The following EMP2 variants were observed in gnomAD, a reference collection of about 807,000 sequenced individuals.
EMP2 encodes the protein epithelial membrane protein 2.
EMP2 carries 19 observed loss-of-function variants against 13.7 expected under a neutral mutation model. That is an observed-to-expected ratio of 1.38 (90% CI 0.97 to 2.03). The LOEUF (loss-of-function observed/expected upper bound fraction) is 2.03, where lower values mean the gene tolerates loss of function less well. Ranked by LOEUF, EMP2 falls within the 30% of genes most tolerant of loss-of-function variation. EMP2 has a pLI of 0.00. For missense variants in EMP2, 253 were observed against 220.7 expected, an observed-to-expected ratio of 1.15 and a Z score of -0.93; for synonymous variants, 97 against 84.7, an observed-to-expected ratio of 1.15 and a Z score of -0.80.
intron 1 of EMP2, among the ~76,000 whole-genome samples, chr16:10,556,523 C>G (rs888236710): frequency 1.3e-5 from 2 of 152,184 alleles, no homozygotes; most frequent in Non-Finnish European, 2.9e-5. Context: ...AGCAAATTCA[C>G]TTCTAACTGT....
intron 4 of EMP2, among the ~76,000 whole-genome samples, chr16:10,537,570 C>T (rs1007694223): frequency 6.6e-6 from 1 of 152,146 alleles, no homozygotes; most frequent in Admixed American, 6.5e-5. Flanking sequence ...ACAGGGCTTC[C>T]GTCATGCTGT....
chr16:10,547,244 T>C (rs2050746783), intron 2 of EMP2: 1 of 283,598 alleles, frequency 3.5e-6, no homozygotes, highest in Non-Finnish European at 6.6e-6. Context: ...GTTTATCCCA[T>C]ACTGTTCTTG....
chr16:10,575,795 G>A (rs2050980410), intron 1 of EMP2, among the ~76,000 whole-genome samples: 1 of 151,998 alleles, frequency 6.6e-6, no homozygotes, highest in Non-Finnish European at 1.5e-5. Context: ...AGCTGGCAAA[G>A]GTCATCAGAG....
intron 2 of EMP2, chr16:10,544,805 A>G (rs1031329654): frequency 3.7e-4 from 57 of 152,266 alleles, no homozygotes; most frequent in African/African-American, 1.4e-3. Context: ...GGATCGCTTG[A>G]GCCTGGGCAG....
At chr16:10,564,296 G>C (rs982894090) in intron 1 of EMP2, among the ~76,000 whole-genome samples, 1 of 152,054 alleles carries the variant, frequency 6.6e-6, no homozygotes, top group African/African-American at 2.4e-5. Context: ...TTCAAGACCA[G>C]CCTGGCCAAC....
At chr16:10,568,087 T>C (rs998087088) in intron 1 of EMP2, among the ~76,000 whole-genome samples, 1 of 152,152 alleles carries the variant, frequency 6.6e-6, no homozygotes, top group Non-Finnish European at 1.5e-5. Context: ...TTAGCCATGA[T>C]CAATTTACAG....
chr16:10,540,959 A>G (rs1025414145), intron 3 of EMP2, among the ~76,000 whole-genome samples: 1 of 152,136 alleles, frequency 6.6e-6, no homozygotes, highest in South Asian at 2.1e-4. Flanking sequence ...GTGGTGGCAC[A>G]CACCCATAAT....
intron 1 of EMP2, among the ~76,000 whole-genome samples, chr16:10,556,631 C>T (rs879322934): frequency 5.9e-5 from 9 of 152,218 alleles, no homozygotes; most frequent in South Asian, 2.1e-4. Flanking sequence ...CACATGAAAA[C>T]GAGACTCCTC....
At chr16:10,551,563 C>G (rs112676328) in intron 1 of EMP2, among the ~76,000 whole-genome samples, 1 of 152,118 alleles carries the variant, frequency 6.6e-6, no homozygotes. Flanking sequence ...CGTGCTACTA[C>G]GCCTGGCTAA....
At chr16:10,574,442 C>T (rs75904754) in intron 1 of EMP2, among the ~76,000 whole-genome samples, 1 of 152,266 alleles carries the variant, frequency 6.6e-6, no homozygotes, top group African/African-American at 2.4e-5. Context: ...GGCCCCCCCT[C>T]ATCCCTCCCT....
chr16:10,556,779 G>A (rs960380527), intron 1 of EMP2, among the ~76,000 whole-genome samples: 1 of 152,220 alleles, frequency 6.6e-6, no homozygotes, highest in Non-Finnish European at 1.5e-5. Flanking sequence ...GGTTCTGGGT[G>A]ATTTGCCAAA....
chr16:10,575,939 G>A (rs1282402333), intron 1 of EMP2, among the ~76,000 whole-genome samples: 1 of 152,016 alleles, frequency 6.6e-6, no homozygotes, highest in East Asian at 1.9e-4. Context: ...ATTTCAGGAT[G>A]AGTCATGTTT....
In EMP2 at chr16:10,531,454, C is replaced by T. The variant is rs1043127760; in HGVS notation, c.*1451G>A. On this transcript the variant is annotated 3_prime_UTR_variant, in exon 5 of 5. Coordinates refer to ENST00000359543, the MANE Select transcript of EMP2 (RefSeq NM_001424.6). ...TCAAGTGATTCTCCTGCCTCAGCCACCTGATAGCTGGGATTACAGGCATGC... is the reference window on the plus strand; with the variant it reads ...TCAAGTGATTCTCCTGCCTCAGCCATCTGATAGCTGGGATTACAGGCATGC... 2 of 152,256 alleles carry T rather than the reference C, an allele frequency of 1.3e-5. No homozygotes were observed. Among genetic ancestry groups the T allele is most frequent in the African/African-American group, 4.8e-5 (2 of 41,428 alleles). 9.4% of individuals were successfully genotyped at this position (152,256 alleles called of 1,614,324 possible).
intron 1 of EMP2, among the ~76,000 whole-genome samples, chr16:10,555,427 G>A (rs1435171636): frequency 6.6e-6 from 1 of 152,172 alleles, no homozygotes; most frequent in East Asian, 1.9e-4. Flanking sequence ...TCAAGTTTCT[G>A]TATAGAAATC....
At chr16:10,546,997 T>G (rs1001858807) in intron 2 of EMP2, 34 of 142,242 alleles carry the variant, frequency 2.4e-4, no homozygotes, top group African/African-American at 8.4e-4. Flanking sequence ...GGCCTGAACC[T>G]TCACATTTAG....
chr16:10,537,959 A>G lies in EMP2; in HGVS notation c.285T>C (p.Phe95=), dbSNP rs114697054. Residue 95 remains phenylalanine (F), a synonymous_variant, in exon 4 of 5, where the codon TTT becomes TTC. Coordinates refer to ENST00000359543, the MANE Select transcript of EMP2 (RefSeq NM_001424.6). ...TTAGCTGGATGATGGAGGTTAGGACAAACCTCTCTCCCTGCTTCAGGCGGA... is the reference window on the plus strand; with the variant it reads ...TTAGCTGGATGATGGAGGTTAGGACGAACCTCTCTCCCTGCTTCAGGCGGA... The part of the protein sequence containing the change: ...QLFRLKQGER[F]VLTSIIQLMS... The G allele has an allele frequency of 1.3e-5, 21 of 1,614,150 alleles. No homozygotes were observed. In the Admixed American group the frequency reaches 1.5e-4, roughly 12 times the overall value.
intron 1 of EMP2, among the ~76,000 whole-genome samples, chr16:10,561,078 G>A (rs1490290147): frequency 6.6e-6 from 1 of 152,034 alleles, no homozygotes; most frequent in Non-Finnish European, 1.5e-5. Context: ...AAATGATGAG[G>A]GTCTCAAATG....
intron 2 of EMP2, chr16:10,546,524 G>C (rs1428497902): frequency 6.6e-6 from 1 of 152,214 alleles, no homozygotes. Flanking sequence ...CCATGCATGA[G>C]CTCTGCTGGG....
chr16:10,551,343 A>T (rs2050787035), intron 1 of EMP2, among the ~76,000 whole-genome samples: 1 of 152,216 alleles, frequency 6.6e-6, no homozygotes, highest in South Asian at 2.1e-4. Context: ...GATAATGTAA[A>T]GATCCTCTCT....
Sources: gnomAD v4.1 joint callset for allele counts (sites outside exome capture counted in the v4.1 genomes callset) on GRCh38, gnomAD v4.1.1 for gene constraint, MANE v1.5 for transcripts, NCBI Gene and HGNC (gene_info 2026-07-23, HGNC 2026-07-21) for gene names.